NWD2: variants seen among roughly 807,000 people sequenced by gnomAD.
NWD2 encodes NACHT and WD repeat domain containing 2.
Under a neutral mutation model 132.7 loss-of-function variants are expected in NWD2, and 37 were observed. That is an observed-to-expected ratio of 0.28 (90% CI 0.21 to 0.37). The LOEUF is 0.37. NWD2 is among the 10% of genes least tolerant of loss of function. NWD2 has a pLI of 1.00. For missense variants in NWD2, 1,592 were observed against 2,122.4 expected (o/e 0.75, Z 4.91); for synonymous variants, 705 against 803.0 (o/e 0.88, Z 2.06).
At chr4:37,308,488 GGGCGGCAGTCATTAGT>G (rs1560390840) in intron 1 of NWD2, among the ~76,000 whole-genome samples, 1 of 152,188 alleles carries the variant, frequency 6.6e-6, no homozygotes, top group Non-Finnish European at 1.5e-5. Context: ...ATGCTGGTCA[GGGCGGCAGTCATTAGT>G]GGCAGCAGCC....
chr4:37,303,930 T>G (rs1254563466), intron 1 of NWD2, among the ~76,000 whole-genome samples: 1 of 152,194 alleles, frequency 6.6e-6, no homozygotes, highest in East Asian at 1.9e-4. Context: ...CCTTTTATTT[T>G]TTATCTTGTC....
intron 3 of NWD2, among the ~76,000 whole-genome samples, chr4:37,356,832 T>C (rs556201029): frequency 3.9e-5 from 6 of 152,324 alleles, no homozygotes; most frequent in African/African-American, 1.4e-4. Context: ...ATATATTCCA[T>C]CATAGTGCTT....
At chr4:37,442,189 C>A (rs1712503332) in intron 6 of NWD2, among the ~76,000 whole-genome samples, 2 of 152,208 alleles carry the variant, frequency 1.3e-5, no homozygotes, top group Admixed American at 1.3e-4. Context: ...CCTGAGGAAG[C>A]AAAGTTCACA....
intron 3 of NWD2, among the ~76,000 whole-genome samples, chr4:37,387,627 C>G (rs895964349): frequency 6.6e-6 from 1 of 151,552 alleles, no homozygotes; most frequent in Non-Finnish European, 1.5e-5. Context: ...ATCCCCGCAG[C>G]CTGCTCTCCA....
In NWD2 at chr4:37,443,411, G is replaced by T. The variant is rs1456474676; in HGVS notation, c.1423G>T (p.Ala475Ser). The change falls in exon 7 of 7, where the codon GCA becomes TCA. Residue 475 changes from alanine (A) to serine (S), a missense_variant. By Grantham distance (99) the Ala-to-Ser change is moderately conservative. Around this residue, in one of 7 missense-constraint regions of NWD2, gnomAD observed 1,071 missense variants for 1,398.0 expected, o/e 0.77. Coordinates refer to ENST00000309447, the MANE Select transcript of NWD2 (RefSeq NM_001144990.2). This position sits in a 1 kb window ranked among gnomAD's most constrained non-coding sequence, Gnocchi z 4.1. ...CCTTCTAAGTGTTTGTGAACAATTG[G>T]CAGTTAACTACCGGTGTCTGGTTCA... ...TLLLSVCEQL[A>S]VNYRCLVQSY... is the part of the protein sequence containing the mutation. 3 of 1,552,154 alleles carry T rather than the reference G, an allele frequency of 1.9e-6. No individual in the cohort carries two copies. Among genetic ancestry groups the T allele is most frequent in the East Asian group, 2.4e-5 (1 of 40,914 alleles).
chr4:37,306,238 G>A (rs944007122), intron 1 of NWD2, among the ~76,000 whole-genome samples: 1 of 151,946 alleles, frequency 6.6e-6, no homozygotes, highest in African/African-American at 2.4e-5. Flanking sequence ...TCTTAGTACA[G>A]CTAATGGTTT....
intron 2 of NWD2, among the ~76,000 whole-genome samples, chr4:37,339,821 C>A (rs1719482770): frequency 6.6e-6 from 1 of 152,126 alleles, no homozygotes. Context: ...TTTCTCACTC[C>A]CTCTCACCCT....
chr4:37,425,927 A>T (rs1042549880), intron 3 of NWD2, among the ~76,000 whole-genome samples: 1 of 152,184 alleles, frequency 6.6e-6, no homozygotes, highest in African/African-American at 2.4e-5. Context: ...TAGGAAACAA[A>T]ACAGTGGAAT....
chr4:37,304,747 G>A (rs972177048), intron 1 of NWD2, among the ~76,000 whole-genome samples: 11 of 152,162 alleles, frequency 7.2e-5, no homozygotes, highest in African/African-American at 1.7e-4. Context: ...CAGTTGCACC[G>A]CTGTGGCTCT....
intron 3 of NWD2, 136 bp from the exon 4 acceptor site, chr4:37,430,436 G>T: frequency 1.5e-6 from 1 of 664,778 alleles, no homozygotes; most frequent in South Asian, 1.9e-5. Flanking sequence ...TATCCACTGT[G>T]ACCAAAAGAG....
At chr4:37,314,055 A>T (rs942389009) in intron 1 of NWD2, among the ~76,000 whole-genome samples, 1 of 152,126 alleles carries the variant, frequency 6.6e-6, no homozygotes, top group African/African-American at 2.4e-5. Context: ...TTCTGCGTCT[A>T]TTGAGCAGTC....
rs1712418519 is a variant in NWD2 at position 37,439,328 on chromosome 4, C to T, written c.1234C>T (p.Leu412Phe). The T allele has an allele frequency of 6.5e-7, 1 of 1,544,008 alleles. No homozygotes were observed. The highest frequency in any genetic ancestry group is 2.4e-5 in the East Asian group (1 of 40,866). Residue 412 changes from leucine to phenylalanine, a missense_variant, in exon 6 of 7, where the codon CTT (leucine) becomes TTT (phenylalanine). This residue lies in a region of NWD2 where 1,071 missense variants were observed against 1,398.0 expected (regional missense o/e 0.77). Coordinates refer to ENST00000309447, the MANE Select transcript of NWD2 (RefSeq NM_001144990.2). This position sits in a 1 kb window ranked among gnomAD's most constrained non-coding sequence, Gnocchi z 4.5. The part of the protein sequence containing the change: ...LPSKAGHINP[L>F]IIYGGPCTGK... ...AAGCAAAGCTGGACACATCAACCCT[C>T]TTATTATATATGGTGGGCCATGCAC...
intron 1 of NWD2, among the ~76,000 whole-genome samples, chr4:37,314,565 A>G (rs1404594274): frequency 6.6e-6 from 1 of 152,180 alleles, no homozygotes; most frequent in African/African-American, 2.4e-5. Flanking sequence ...GTTGTTCACT[A>G]TAAGGTATAG....
At chr4:37,329,575 A>G (rs941181570) in intron 2 of NWD2, among the ~76,000 whole-genome samples, 2 of 152,044 alleles carry the variant, frequency 1.3e-5, no homozygotes, top group African/African-American at 4.8e-5. Flanking sequence ...CAATCACACT[A>G]CCACACTCCA....
intron 1 of NWD2, among the ~76,000 whole-genome samples, chr4:37,304,264 A>G (rs1449913696): frequency 2.6e-5 from 4 of 152,168 alleles, no homozygotes; most frequent in Non-Finnish European, 5.9e-5. Context: ...GTTTGCCCCC[A>G]TTATTCAATC....
intron 1 of NWD2, among the ~76,000 whole-genome samples, chr4:37,289,902 G>A (rs1718323805): frequency 6.7e-6 from 1 of 149,130 alleles, no homozygotes; most frequent in African/African-American, 2.5e-5. Context: ...TTTTTCCGGA[G>A]TTGTTGGTTA....
chr4:37,391,141 G>T (rs1228769732), intron 3 of NWD2, among the ~76,000 whole-genome samples: 1 of 152,150 alleles, frequency 6.6e-6, no homozygotes, highest in East Asian at 1.9e-4. Flanking sequence ...AAATGTGTTT[G>T]TGGGTTGGTG....
At chr4:37,335,224 C>T (rs1450750180) in intron 2 of NWD2, among the ~76,000 whole-genome samples, 1 of 135,900 alleles carries the variant, frequency 7.4e-6, no homozygotes, top group East Asian at 2.2e-4. Flanking sequence ...TTGCGAACTA[C>T]ATTTGGTTCA....
chr4:37,273,960 T>G (rs1717932941), intron 1 of NWD2, among the ~76,000 whole-genome samples: 1 of 152,012 alleles, frequency 6.6e-6, no homozygotes, highest in Non-Finnish European at 1.5e-5. Flanking sequence ...TAGCACTAAA[T>G]GCCCACAAGA....
Sources: gnomAD v4.1 joint callset for allele counts (sites outside exome capture counted in the v4.1 genomes callset) on GRCh38, gnomAD v4.1.1 for gene constraint, gnomAD v4.1.1 regional missense constraint, Gnocchi (gnomAD v3.1) non-coding constraint, MANE v1.5 for transcripts, NCBI Gene and HGNC (gene_info 2026-07-23, HGNC 2026-07-21) for gene names.